Variants in HDAC8 observed in about 807,000 individuals in gnomAD.
HDAC8 encodes the protein histone deacetylase-like 1.
HDAC8 carries 1 observed loss-of-function variant against 32.2 expected under a neutral mutation model. The observed-to-expected ratio is 0.03, with a 90% CI of 0.01 to 0.15. The LOEUF (loss-of-function observed/expected upper bound fraction) is 0.15. Ranked by LOEUF, HDAC8 falls within the 10% of genes least tolerant of loss-of-function variation. The probability of loss-of-function intolerance (pLI) is 1.00; values close to 1 mark genes in which losing one functional copy is unlikely to be tolerated. For missense variants in HDAC8, 117 were observed against 300.0 expected (o/e 0.39, Z 4.51); for synonymous variants, 108 against 113.9 (o/e 0.95, Z 0.33).
intron 4 of HDAC8, among the ~76,000 whole-genome samples, chrX:72,532,180 G>C (rs1432638490): frequency 9.1e-6 from 1 of 109,698 alleles, no homozygotes; most frequent in Non-Finnish European, 1.9e-5. Flanking sequence ...GAACTCCTGG[G>C]CTCAAGCTAT....
intron 7 of HDAC8, among the ~76,000 whole-genome samples, chrX:72,485,839 G>A (rs1457212324): frequency 1.8e-5 from 2 of 111,454 alleles, no homozygotes; most frequent in Non-Finnish European, 3.8e-5. Flanking sequence ...GGATGAAAAG[G>A]GGCTAGGCGT....
intron 4 of HDAC8, among the ~76,000 whole-genome samples, chrX:72,534,429 C>T (rs1348551312): frequency 9.2e-6 from 1 of 108,205 alleles, no homozygotes; most frequent in Non-Finnish European, 1.9e-5. Flanking sequence ...GTGCCTCAGC[C>T]TCCCGAATAG....
At chrX:72,385,782 A>G (rs2045409032) in intron 9 of HDAC8, among the ~76,000 whole-genome samples, 1 of 112,022 alleles carries the variant, frequency 8.9e-6, no homozygotes, top group African/African-American at 3.2e-5. Flanking sequence ...ACAGATAGAG[A>G]AACTGAGGCA....
At position 72,494,185 on chromosome X, in the gene HDAC8, C is replaced by T. The variant is rs781998049; in HGVS notation, c.550+971G>A. 3.6e-5 allele frequency among the ~76,000 whole-genome samples: 4 copies of T among 111,528 alleles called. No homozygotes were observed. The South Asian group carries it at 1.5e-3, about 42-fold the overall frequency. ...TATATTGGTGGTTTTAACCTCTCTTCTCTCTGTTACCTTTAATTTTCTGTC... is the reference window on the plus strand; with the variant it reads ...TATATTGGTGGTTTTAACCTCTCTTTTCTCTGTTACCTTTAATTTTCTGTC... On this transcript the variant is annotated intron_variant, in intron 5 of 10. Transcript: ENST00000373573.
At chrX:72,572,182 C>A in intron 1 of HDAC8, 73 bp from the exon 2 acceptor site, 1 of 975,862 alleles carries the variant, frequency 1.0e-6, no homozygotes, top group South Asian at 2.3e-5. Flanking sequence ...CAGCAAAATC[C>A]CCGTCAATCT....
intron 4 of HDAC8, among the ~76,000 whole-genome samples, chrX:72,533,382 T>A (rs958064292): frequency 1.8e-5 from 2 of 111,850 alleles, no homozygotes; most frequent in Non-Finnish European, 3.8e-5. Flanking sequence ...ATCATATCAA[T>A]TTCTGCAAGA....
chrX:72,338,043 T>C lies in HDAC8; in HGVS notation c.1112-7967A>G, dbSNP rs1459920273. 6.5e-4 allele frequency among the ~76,000 whole-genome samples: 73 copies of C among 112,041 alleles called. 1 individual carries two copies. Among genetic ancestry groups the C allele is most frequent in the Non-Finnish European group, 2.8e-4 (15 of 53,226 alleles). On this transcript the variant is annotated intron_variant, in intron 10 of 10. Coordinates refer to ENST00000373573, the MANE Select transcript of HDAC8 (RefSeq NM_018486.3). ...TGAGAGACCTTAGGACCACCCAAGC[T>C]AAGAAGCCACCCCCTCAGTCACTCC...
intron 9 of HDAC8, among the ~76,000 whole-genome samples, chrX:72,411,420 T>C (rs965392364): frequency 2.7e-5 from 3 of 111,910 alleles, no homozygotes; most frequent in Admixed American, 9.5e-5. Context: ...AGACCTAGAG[T>C]TGACACCCTC....
rs192006801 is a variant in HDAC8 at position 72,450,339 on chromosome X, G to C, written c.1005+11665C>G. Reference sequence around the variant, plus strand: ...TGGAACAGCGCTGTATCCTGACGACGGTAGTAGTTACATCAATCTATACAT... The same window carrying C: ...TGGAACAGCGCTGTATCCTGACGACCGTAGTAGTTACATCAATCTATACAT... On this transcript the variant is annotated intron_variant, in intron 9 of 10. Transcript: ENST00000373573. 1.4e-3 allele frequency among the ~76,000 whole-genome samples: 152 copies of C among 112,082 alleles called. 2 individuals are homozygous for C. The highest frequency in any genetic ancestry group is 4.4e-3 in the African/African-American group (137 of 30,927).
intron 4 of HDAC8, among the ~76,000 whole-genome samples, chrX:72,543,182 C>T (rs2050758452): frequency 9.0e-6 from 1 of 111,289 alleles, no homozygotes; most frequent in African/African-American, 3.3e-5. Context: ...CAGGTATTGG[C>T]AGACTCTGGA....
intron 9 of HDAC8, among the ~76,000 whole-genome samples, chrX:72,402,939 A>AT (rs1555967805): frequency 9.0e-6 from 1 of 111,053 alleles, no homozygotes; most frequent in Non-Finnish European, 1.9e-5. Context: ...TATAAAGTCT[A>AT]TTTTTTCATA....
chrX:72,415,571 C>T (rs1307512077), intron 9 of HDAC8, among the ~76,000 whole-genome samples: 2 of 111,699 alleles, frequency 1.8e-5, no homozygotes, highest in African/African-American at 6.5e-5. Context: ...CAGTATGTCT[C>T]TCCTTGTAGT....
chrX:72,352,025 C>T (rs1476262215), intron 9 of HDAC8, among the ~76,000 whole-genome samples, 187 bp from the exon 10 acceptor site: 1 of 111,939 alleles, frequency 8.9e-6, no homozygotes, highest in Non-Finnish European at 1.9e-5. Flanking sequence ...CTCAGACCTT[C>T]AATGATATTC....
chrX:72,556,330 TAAC>T (rs1308488399), intron 4 of HDAC8, among the ~76,000 whole-genome samples: 1 of 111,614 alleles, frequency 9.0e-6, no homozygotes, highest in Non-Finnish European at 1.9e-5. Context: ...AGGACCTATA[TAAC>T]AACAATACAA....
chrX:72,453,686 C>T (rs1339875791), intron 9 of HDAC8, among the ~76,000 whole-genome samples: 1 of 111,446 alleles, frequency 9.0e-6, no homozygotes, highest in Non-Finnish European at 1.9e-5. Context: ...TATAAACCCA[C>T]AGATCCTAGC....
At chrX:72,507,023 AT>A (rs1167151185) in intron 4 of HDAC8, among the ~76,000 whole-genome samples, 3 of 109,829 alleles carry the variant, frequency 2.7e-5, no homozygotes, top group Non-Finnish European at 5.7e-5. Context: ...AATTTTTTGT[AT>A]TTTTTGTAGA....
At chrX:72,497,613 T>G (rs1391425181) in intron 4 of HDAC8, among the ~76,000 whole-genome samples, 2 of 111,623 alleles carry the variant, frequency 1.8e-5, no homozygotes, top group African/African-American at 6.5e-5. Context: ...TTCCTCAACA[T>G]AGACAGGTTT....
chrX:72,476,342 A>G (rs911033129), intron 7 of HDAC8, among the ~76,000 whole-genome samples: 1 of 110,858 alleles, frequency 9.0e-6, no homozygotes, highest in Non-Finnish European at 1.9e-5. Context: ...GCAAAGTGGT[A>G]GGCTGGTTTG....
At chrX:72,483,476 C>G (rs782182878) in intron 7 of HDAC8, among the ~76,000 whole-genome samples, 1 of 111,577 alleles carries the variant, frequency 9.0e-6, no homozygotes, top group Non-Finnish European at 1.9e-5. Context: ...CCCTCCATCA[C>G]GACTGTAAAC....
Sources: gnomAD v4.1 joint callset for allele counts (sites outside exome capture counted in the v4.1 genomes callset) on GRCh38, gnomAD v4.1.1 for gene constraint, MANE v1.5 for transcripts, NCBI Gene and HGNC (gene_info 2026-07-23, HGNC 2026-07-21) for gene names.